Variants in SIRT1 observed in about 807,000 individuals in gnomAD.
SIRT1 encodes sirtuin 1.
SIRT1 carries 24 observed loss-of-function variants against 67.9 expected under a neutral mutation model. The ratio of observed to expected loss-of-function variants is 0.35; its 90% CI spans 0.26 to 0.50. The LOEUF (loss-of-function observed/expected upper bound fraction) is 0.50. SIRT1 is among the 20% of genes least tolerant of loss of function. SIRT1 has a pLI of 0.98. For missense variants in SIRT1, 873 were observed against 937.2 expected (o/e 0.93, Z 0.89); for synonymous variants, 378 against 350.7 (o/e 1.08, Z -0.87).
At chr10:67,895,832 C>T (rs1842649696) in intron 4 of SIRT1, among the ~76,000 whole-genome samples, 1 of 142,934 alleles carries the variant, frequency 7.0e-6, no homozygotes, top group Admixed American at 7.1e-5. Flanking sequence ...ACCTTCACCT[C>T]CCGAGTTCAA....
intron 4 of SIRT1, among the ~76,000 whole-genome samples, chr10:67,903,172 C>G (rs1330893817): frequency 6.6e-6 from 1 of 152,126 alleles, no homozygotes; most frequent in Non-Finnish European, 1.5e-5. Flanking sequence ...TAGAGTACTA[C>G]AGCTCCCTAA....
Position 67,916,665 on chromosome 10 carries a change from A to C in SIRT1, c.*72A>C. 3.9e-6 allele frequency: 5 copies of C among 1,279,006 alleles called. No homozygotes were observed. The South Asian group carries it at 6.0e-5, about 15-fold the overall frequency. The allele number at this position is 1,279,006 out of a possible 1,614,324, so 79.2% of individuals were successfully genotyped here. ...CTTTAGCATGTCAAAATGAATGTTT[A>C]CTTGTGAACTCGATAGAGCAAGGAA... On this transcript the variant is annotated 3_prime_UTR_variant, in exon 9 of 9. Coordinates refer to ENST00000212015, the MANE Select transcript of SIRT1 (RefSeq NM_012238.5).
At chr10:67,908,244 A>G in intron 6 of SIRT1, 119 bp downstream of exon 6, 1 of 798,932 alleles carries the variant, frequency 1.3e-6, no homozygotes, top group Non-Finnish European at 1.9e-6. Flanking sequence ...CAGGAAGAAA[A>G]TAGTTAGCAT....
At chr10:67,891,074 T>C (rs1842565466) in intron 3 of SIRT1, among the ~76,000 whole-genome samples, 1 of 151,984 alleles carries the variant, frequency 6.6e-6, no homozygotes, top group Non-Finnish European at 1.5e-5. Flanking sequence ...TCTTCCCTAC[T>C]TAAAATAATT....
chr10:67,888,841 A>G (rs781666997), intron 2 of SIRT1, 41 bp from the exon 3 acceptor site: 2 of 1,550,006 alleles, frequency 1.3e-6, no homozygotes, highest in Non-Finnish European at 1.7e-6. Context: ...ATTTTGAATT[A>G]CTTGATAAGT....
At chr10:67,887,877 C>T (rs1842510768) in intron 2 of SIRT1, among the ~76,000 whole-genome samples, 2 of 152,224 alleles carry the variant, frequency 1.3e-5, no homozygotes, top group Admixed American at 6.5e-5. Flanking sequence ...TGCCCCACCT[C>T]ACTTGTCCCC....
Position 67,888,880 on chromosome 10 carries a change from A to C in SIRT1, c.548-2A>C. 6.3e-7 allele frequency: 1 copy of C among 1,596,666 alleles called. No individual in the cohort carries two copies. Among genetic ancestry groups the C allele is most frequent in the Non-Finnish European group, 8.6e-7 (1 of 1,168,976 alleles). Reference sequence around the variant, plus strand: ...CTTTAAGCCTTTTCCCCCTTATTGTAGGTCCATATACTTTTGTTCAGCAAC... The same window carrying C: ...CTTTAAGCCTTTTCCCCCTTATTGTCGGTCCATATACTTTTGTTCAGCAAC... On this transcript the variant is annotated splice_acceptor_variant, in intron 2 of 8. Transcript: ENST00000212015. LOFTEE classifies it high-confidence loss of function.
chr10:67,886,610 A>G (rs1485033489), intron 1 of SIRT1, among the ~76,000 whole-genome samples: 1 of 151,680 alleles, frequency 6.6e-6, no homozygotes, highest in Non-Finnish European at 1.5e-5. Context: ...TTTAGTAAAG[A>G]GACCCTGATT....
At chr10:67,888,802 C>A in intron 2 of SIRT1, 80 bp from the exon 3 acceptor site, 1 of 1,481,718 alleles carries the variant, frequency 6.7e-7, no homozygotes, top group Non-Finnish European at 9.1e-7. Context: ...TCACAGAATG[C>A]TAACTCATTA....
rs1262495636 is a variant in SIRT1 at position 67,904,123 on chromosome 10, G to GTTTTTTTTTTTTTTTTTTT, written c.943-2664_943-2663insTTTTTTTTTTTTTTTTTTT. Among the ~76,000 whole-genome samples the GTTTTTTTTTTTTTTTTTTT allele has an allele frequency of 5.2e-5, 6 of 115,444 alleles. 1 individual carries two copies. Among genetic ancestry groups the GTTTTTTTTTTTTTTTTTTT allele is most frequent in the Non-Finnish European group, 8.9e-5 (5 of 56,208 alleles). The allele number at this position is 115,444 out of a possible 152,430, so 75.7% of individuals were successfully genotyped here. A position where few individuals can be genotyped will look rare whatever the true frequency, so the allele number is the denominator to read the frequency against. ...TATTTCAGATTTTTTAGTTTTTTTT[G>GTTTTTTTTTTTTTTTTTTT]TTTGTTTTTTTTTTTTTTTTTTTTA... is the stretch of plus-strand genomic sequence containing the variant. On this transcript the variant is annotated intron_variant, in intron 4 of 8. Transcript: ENST00000212015.
In SIRT1 at chr10:67,917,702, C is replaced by T. The variant is rs1323271132; in HGVS notation, c.*1109C>T. 3 of 128,648 alleles carry T rather than the reference C, an allele frequency of 2.3e-5. No individual in the cohort carries two copies. Among genetic ancestry groups the T allele is most frequent in the Non-Finnish European group, 4.6e-5 (3 of 65,554 alleles). The allele number at this position is 128,648 out of a possible 1,614,324, so 8.0% of individuals were successfully genotyped here. On this transcript the variant is annotated 3_prime_UTR_variant, in exon 9 of 9. Coordinates refer to ENST00000212015, the MANE Select transcript of SIRT1 (RefSeq NM_012238.5). ...TGGTGTTAAATACCAAACTGCTAGC[C>T]CTAGTATTATGGAGATGAACATGAT...
At chr10:67,895,403 AAG>A (rs138658332) in intron 4 of SIRT1, among the ~76,000 whole-genome samples, 4,752 of 152,216 alleles carry the variant, frequency 0.031, 240 homozygotes, top group African/African-American at 0.11. Context: ...AGTAAGGACA[AAG>A]AGTGCAGGAT....
Position 67,891,311 on chromosome 10 carries a change from C to T in SIRT1, c.790-91C>T, listed in dbSNP as rs138055195. The T allele has an allele frequency of 4.5e-4, 525 of 1,170,488 alleles. 3 individuals are homozygous for T. The African/African-American group carries it at 6.8e-3, about 15-fold the overall frequency. 72.5% of individuals were successfully genotyped at this position (1,170,488 alleles called of 1,614,324 possible). ...AGTTTCAGACTAAAATTTTCTTTCT[C>T]AACTCTTACCTAATTATATGGTAAG... On this transcript the variant is annotated intron_variant, in intron 3 of 8. Coordinates refer to ENST00000212015, the MANE Select transcript of SIRT1 (RefSeq NM_012238.5).
At chr10:67,888,668 G>A (rs1416037469) in intron 2 of SIRT1, among the ~76,000 whole-genome samples, 2 of 152,104 alleles carry the variant, frequency 1.3e-5, no homozygotes, top group East Asian at 3.8e-4. Context: ...TATACTTACA[G>A]CTGAAGGGGG....
chr10:67,908,251 G>A lies in SIRT1; in HGVS notation c.1170+126G>A, dbSNP rs1288458975. 5.4e-6 allele frequency: 4 copies of A among 745,432 alleles called. No individual in the cohort carries two copies. In the East Asian group the frequency reaches 1.1e-4, roughly 21 times the overall value. The allele number at this position is 745,432 out of a possible 1,614,324, so 46.2% of individuals were successfully genotyped here. The stretch of plus-strand genomic sequence containing the variant: ...GAAAGATTCAGGAAGAAAATAGTTA[G>A]CATTTGGGAATTTTGGTAAAATACA... On this transcript the variant is annotated intron_variant, in intron 6 of 8. Coordinates refer to ENST00000212015, the MANE Select transcript of SIRT1 (RefSeq NM_012238.5).
Position 67,906,925 on chromosome 10 carries a change from A to G in SIRT1, c.1078A>G (p.Ile360Val). 6.2e-7 allele frequency: 1 copy of G among 1,602,714 alleles called. No homozygotes were observed. Among genetic ancestry groups the G allele is most frequent in the Non-Finnish European group, 8.5e-7 (1 of 1,176,340 alleles). Residue 360 changes from isoleucine to valine, a missense_variant, in exon 5 of 9, where the codon ATT (isoleucine) becomes GTT (valine). Ile to Val is a conservative substitution (Grantham distance 29, BLOSUM62 3). Around this residue, in one of 3 missense-constraint regions of SIRT1, gnomAD observed 251 missense variants for 358.8 expected, o/e 0.70. Transcript: ENST00000212015. ...LEQVAGIQRIIQCHGSFATAS... is the reference protein window; with the variant it reads ...LEQVAGIQRIVQCHGSFATAS... ...ACAGGTTGCGGGAATCCAAAGGATA[A>G]TTCAGTGTCATGGTTAGTAAACTTC...
intron 7 of SIRT1, among the ~76,000 whole-genome samples, chr10:67,910,090 C>T: frequency 6.6e-6 from 1 of 151,842 alleles, no homozygotes; most frequent in East Asian, 1.9e-4. Flanking sequence ...GTTGTCAAAA[C>T]GCAAGTAATG....
intron 4 of SIRT1, chr10:67,906,385 C>CTT: frequency 1.4e-5 from 16 of 1,137,734 alleles, no homozygotes; most frequent in South Asian, 3.4e-5. Context: ...ATTGACAGTG[C>CTT]TTTTTTTTTT....
At chr10:67,915,742 A>T (rs967267017) in intron 8 of SIRT1, among the ~76,000 whole-genome samples, 3 of 143,448 alleles carry the variant, frequency 2.1e-5, no homozygotes, top group African/African-American at 7.3e-5. Context: ...GCTACTTAAC[A>T]CAAATTGGGT....
Sources: allele counts gnomAD v4.1 joint callset (sites outside exome capture counted in the v4.1 genomes callset), GRCh38; gene constraint gnomAD v4.1.1; regional missense constraint gnomAD v4.1.1; transcripts MANE v1.5; gene names NCBI Gene and HGNC (gene_info 2026-07-23, HGNC 2026-07-21).